Variants in NALF1 observed in about 807,000 individuals in gnomAD.
The protein encoded by NALF1 is NALCN channel auxiliary factor 1, also known as family with sequence similarity 155 member A.
A neutral mutation model predicts 48.4 loss-of-function variants in NALF1; 3 were observed. That is an observed-to-expected ratio of 0.06 (90% CI 0.03 to 0.16). The LOEUF is 0.16. NALF1 is among the 10% of genes least tolerant of loss of function. The probability of loss-of-function intolerance (pLI) is 1.00; values close to 1 mark genes in which losing one functional copy is unlikely to be tolerated. For missense variants in NALF1, 526 were observed against 571.5 expected (o/e 0.92, Z 0.81); for synonymous variants, 262 against 245.7 (o/e 1.07, Z -0.62).
intron 1 of NALF1, chr13:107,788,624 C>CG (rs1878140557): frequency 1.3e-5 from 2 of 152,260 alleles, no homozygotes; most frequent in Non-Finnish European, 2.9e-5. Flanking sequence ...TCTACCGGCA[C>CG]ATGGCCGCAG....
intron 1 of NALF1, among the ~76,000 whole-genome samples, chr13:107,553,316 C>T (rs1289690260): frequency 6.6e-6 from 1 of 152,130 alleles, no homozygotes; most frequent in Non-Finnish European, 1.5e-5. Context: ...AGCAACTATC[C>T]ATAATTCACC....
At chr13:107,412,343 AT>A (rs931189302) in intron 1 of NALF1, among the ~76,000 whole-genome samples, 10 of 152,260 alleles carry the variant, frequency 6.6e-5, no homozygotes, top group African/African-American at 2.2e-4. Context: ...AATAATAGTA[AT>A]TTTTTTAAAA....
chr13:107,808,438 CT>C (rs1878876268), intron 1 of NALF1, among the ~76,000 whole-genome samples: 2 of 152,164 alleles, frequency 1.3e-5, no homozygotes, highest in African/African-American at 4.8e-5. Context: ...ATTTGTCCTA[CT>C]TTTGGCTTAT....
chr13:107,309,271 CAA>C (rs1435176426), intron 1 of NALF1, among the ~76,000 whole-genome samples: 2 of 152,210 alleles, frequency 1.3e-5, no homozygotes. Flanking sequence ...AGGTTAGAAA[CAA>C]AAGACTTGGA....
intron 1 of NALF1, among the ~76,000 whole-genome samples, chr13:107,504,250 CAAAAAA>C: frequency 1.4e-5 from 1 of 71,700 alleles, no homozygotes; most frequent in Middle Eastern, 0.012. Context: ...GGCCCTATCT[CAAAAAA>C]AAAAAAAAAA....
chr13:107,294,288 C>T (rs959701026), intron 1 of NALF1, among the ~76,000 whole-genome samples: 2 of 152,128 alleles, frequency 1.3e-5, no homozygotes, highest in Non-Finnish European at 2.9e-5. Context: ...TTTCTCTAAT[C>T]CTTAAAATAA....
intron 1 of NALF1, among the ~76,000 whole-genome samples, chr13:107,629,317 C>T (rs1951900): frequency 0.58 from 88,022 of 152,014 alleles, 27,953 homozygotes; most frequent in East Asian, 0.99. Flanking sequence ...CTTATTCAGG[C>T]AGACATGACC....
intron 1 of NALF1, among the ~76,000 whole-genome samples, chr13:107,564,730 T>G (rs1877744944): frequency 6.6e-6 from 1 of 152,170 alleles, no homozygotes; most frequent in African/African-American, 2.4e-5. Context: ...AGCTGAAAGT[T>G]TATTCTTCTC....
chr13:107,205,591 C>A (rs1879623857), intron 2 of NALF1, among the ~76,000 whole-genome samples: 1 of 152,054 alleles, frequency 6.6e-6, no homozygotes, highest in Non-Finnish European at 1.5e-5. Context: ...GAAACATAAC[C>A]TTATTCCTGT....
chr13:107,303,327 G>T (rs1318646605), intron 1 of NALF1, among the ~76,000 whole-genome samples: 2 of 152,120 alleles, frequency 1.3e-5, no homozygotes, highest in Non-Finnish European at 1.5e-5. Flanking sequence ...AAGATCGAAT[G>T]ACTGAAGAGC....
At chr13:107,608,739 A>C (rs1279179349) in intron 1 of NALF1, among the ~76,000 whole-genome samples, 1 of 152,224 alleles carries the variant, frequency 6.6e-6, no homozygotes, top group Admixed American at 6.5e-5. Context: ...AAAAAAATAG[A>C]ATTCATCCCC....
At chr13:107,372,829 C>A (rs1883270262) in intron 1 of NALF1, among the ~76,000 whole-genome samples, 1 of 152,178 alleles carries the variant, frequency 6.6e-6, no homozygotes, top group African/African-American at 2.4e-5. Flanking sequence ...TTAAGAAAAT[C>A]TTTAAACACT....
chr13:107,699,981 T>C (rs887775746), intron 1 of NALF1, among the ~76,000 whole-genome samples: 4 of 152,110 alleles, frequency 2.6e-5, no homozygotes, highest in East Asian at 1.9e-4. Flanking sequence ...CTGAAAACTA[T>C]AAAATATTGC....
chr13:107,188,921 G>A (rs531576289), intron 2 of NALF1, among the ~76,000 whole-genome samples: 23 of 152,194 alleles, frequency 1.5e-4, no homozygotes, highest in Middle Eastern at 3.4e-3. Flanking sequence ...TAACAGGAAG[G>A]GAAGTGACAC....
intron 1 of NALF1, among the ~76,000 whole-genome samples, chr13:107,732,373 G>A (rs570231240): frequency 6.6e-6 from 1 of 152,222 alleles, no homozygotes; most frequent in South Asian, 2.1e-4. Flanking sequence ...TGTCTACATG[G>A]TGTGCAAGTG....
intron 2 of NALF1, among the ~76,000 whole-genome samples, chr13:107,192,229 G>A (rs568453319): frequency 5.9e-5 from 9 of 152,054 alleles, no homozygotes; most frequent in African/African-American, 9.7e-5. Flanking sequence ...CTGTGGTAGC[G>A]CTCCTGACAC....
Position 107,440,370 on chromosome 13 carries a change from A to T in NALF1, c.916-229615T>A, listed in dbSNP as rs148932108. Among the ~76,000 whole-genome samples, 41 of 152,288 alleles carry T rather than the reference A, an allele frequency of 2.7e-4. 1 individual carries two copies. Among genetic ancestry groups the T allele is most frequent in the African/African-American group, 9.6e-4 (40 of 41,568 alleles). On this transcript the variant is annotated intron_variant, in intron 1 of 2. Transcript: ENST00000375915. The stretch of plus-strand genomic sequence containing the variant: ...ATTCAATACATTCCCTCTGACTGAG[A>T]TGTGTTAAAGTTTCGCATAGGTGGC...
At chr13:107,239,606 C>T (rs888234280) in intron 1 of NALF1, among the ~76,000 whole-genome samples, 1 of 152,126 alleles carries the variant, frequency 6.6e-6, no homozygotes, top group Non-Finnish European at 1.5e-5. Flanking sequence ...CAACAAGTAT[C>T]AAAATTTTAG....
At chr13:107,744,895 T>A (rs1876742929) in intron 1 of NALF1, among the ~76,000 whole-genome samples, 1 of 152,222 alleles carries the variant, frequency 6.6e-6, no homozygotes, top group South Asian at 2.1e-4. Context: ...AAATATCTGT[T>A]TATTTATATA....
Sources: gnomAD v4.1 joint callset for allele counts (sites outside exome capture counted in the v4.1 genomes callset) on GRCh38, gnomAD v4.1.1 for gene constraint, MANE v1.5 for transcripts, NCBI Gene and HGNC (gene_info 2026-07-23, HGNC 2026-07-21) for gene names.